The following SLFN5 variants were observed in gnomAD, a reference collection of about 807,000 sequenced individuals.
SLFN5 encodes schlafen family member 5.
SLFN5 carries 34 observed loss-of-function variants against 48.5 expected under a neutral mutation model. The observed-to-expected ratio is 0.70, with a 90% CI of 0.53 to 0.93. The LOEUF is 0.93. Ranked by LOEUF, SLFN5 falls within the 40% of genes least tolerant of loss-of-function variation. SLFN5 has a pLI of 0.00. For missense variants in SLFN5, 1,006 were observed against 1,071.3 expected, an observed-to-expected ratio of 0.94 and a Z score of 0.85; for synonymous variants, 387 against 396.2, an observed-to-expected ratio of 0.98 and a Z score of 0.28.
chr17:35,248,723 GCTGA>G lies in SLFN5; in HGVS notation c.-41+5581_-41+5584del, dbSNP rs368981915. ...TGTAGAATTTAAACCTTGGATCCAA[GCTGA>G]ATTAAGAGTTATACTTAAAGGTTTC... On this transcript the variant is annotated intron_variant, in intron 1 of 4. Coordinates refer to ENST00000299977, the MANE Select transcript of SLFN5 (RefSeq NM_144975.4). Among the ~76,000 whole-genome samples the G allele has an allele frequency of 3.2e-3, 486 of 152,040 alleles. 1 individual carries two copies. The highest frequency in any genetic ancestry group is 0.011 in the African/African-American group (460 of 41,442).
chr17:35,245,510 G>T (rs1471787390), intron 1 of SLFN5, among the ~76,000 whole-genome samples: 4 of 152,172 alleles, frequency 2.6e-5, no homozygotes, highest in Non-Finnish European at 4.4e-5. Context: ...ACCAGATAAG[G>T]GAGGACTACT....
rs1401107570 is a variant in SLFN5 at position 35,270,486 on chromosome 17, C to T, written c.*4598C>T. On this transcript the variant is annotated 3_prime_UTR_variant, in exon 5 of 5. Coordinates refer to ENST00000299977, the MANE Select transcript of SLFN5 (RefSeq NM_144975.4). The stretch of plus-strand genomic sequence containing the variant: ...AAAATCTAGGTAAACCACGGTAATA[C>T]ACTGAGGCTGGCACCACCACAGGCC... The T allele has an allele frequency of 1.3e-5, 2 of 152,228 alleles. No homozygotes were observed. Among genetic ancestry groups the T allele is most frequent in the Non-Finnish European group, 2.9e-5 (2 of 68,052 alleles). 9.4% of individuals were successfully genotyped at this position (152,228 alleles called of 1,614,324 possible).
At chr17:35,249,058 C>T (rs565568552) in intron 1 of SLFN5, among the ~76,000 whole-genome samples, 1 of 152,250 alleles carries the variant, frequency 6.6e-6, no homozygotes, top group East Asian at 1.9e-4. Context: ...AAAAATAAAA[C>T]TGTTGGACTT....
At chr17:35,260,599 G>T (rs9912622) in intron 2 of SLFN5, among the ~76,000 whole-genome samples, 3 of 151,936 alleles carry the variant, frequency 2.0e-5, no homozygotes, top group African/African-American at 7.3e-5. Context: ...GGTGACGCAC[G>T]CCTGTAATCC....
intron 1 of SLFN5, among the ~76,000 whole-genome samples, chr17:35,252,184 C>T (rs1183547106): frequency 1.3e-5 from 2 of 152,128 alleles, no homozygotes; most frequent in Non-Finnish European, 2.9e-5. Context: ...AATCCCAGCA[C>T]TTTAAGAGGC....
chr17:35,258,346 T>G (rs1904401589), intron 1 of SLFN5, among the ~76,000 whole-genome samples: 1 of 151,964 alleles, frequency 6.6e-6, no homozygotes, highest in Non-Finnish European at 1.5e-5. Flanking sequence ...AAGATAGAAA[T>G]GAAAGCCAAG....
At position 35,259,487 on chromosome 17, in the gene SLFN5, A is replaced by G; in HGVS notation, c.797A>G (p.His266Arg). ...TGTATTAAGAAGCTACCTGTCCATC[A>G]TTTCTGCACACAGAGGCCTGAGATA... The part of the protein sequence containing the change: ...DGCIKKLPVH[H>R]FCTQRPEIKY... Residue 266 changes from histidine to arginine, a missense_variant, in exon 2 of 5, where the codon CAT becomes CGT. Coordinates refer to ENST00000299977, the MANE Select transcript of SLFN5 (RefSeq NM_144975.4). 6.2e-7 allele frequency: 1 copy of G among 1,614,262 alleles called. No individual in the cohort carries two copies. The highest frequency in any genetic ancestry group is 8.5e-7 in the Non-Finnish European group (1 of 1,180,052).
At chr17:35,252,911 T>C (rs1347830721) in intron 1 of SLFN5, among the ~76,000 whole-genome samples, 3 of 152,066 alleles carry the variant, frequency 2.0e-5, no homozygotes, top group South Asian at 2.1e-4. Context: ...GGCACGTGTT[T>C]CTGTATTTCT....
intron 2 of SLFN5, 122 bp downstream of exon 2, chr17:35,259,824 G>T (rs12150168): frequency 0.11 from 124,702 of 1,145,134 alleles, 7,310 homozygotes; most frequent in Admixed American, 0.12. Flanking sequence ...TCTCTGATTT[G>T]CAATTGTCTG....
rs541073280 is a variant in SLFN5, at chr17:35,246,510, T to C, written c.-41+3367T>C. Among the ~76,000 whole-genome samples the C allele has an allele frequency of 4.6e-5, 7 of 152,270 alleles. No homozygotes were observed. In the South Asian group the frequency reaches 6.2e-4, roughly 14 times the overall value. The stretch of plus-strand genomic sequence containing the variant: ...TTATATTTTCATTCTCTTAATAGTG[T>C]CTTTCAGAAGGAGAAGTTCTTAAAG... On this transcript the variant is annotated intron_variant, in intron 1 of 4. Coordinates refer to ENST00000299977, the MANE Select transcript of SLFN5 (RefSeq NM_144975.4).
At chr17:35,249,238 C>T (rs34670000) in intron 1 of SLFN5, among the ~76,000 whole-genome samples, 78,148 of 151,904 alleles carry the variant, frequency 0.51, 20,981 homozygotes, top group Middle Eastern at 0.6. Flanking sequence ...TAACACCAAG[C>T]AGAACATTTT....
In SLFN5 at chr17:35,265,342, A is replaced by AGTG; in HGVS notation, c.2133_2135dup (p.Val712dup). On this transcript the variant is annotated inframe_insertion, in exon 5 of 5. Transcript: ENST00000299977. ...AGTATCCAAGAGAAGAGATCAACAG[A>AGTG]GTGGTCCGCAATGCAGGTCCAATAG... is the stretch of plus-strand genomic sequence containing the variant. 1.2e-6 allele frequency: 2 copies of AGTG among 1,614,166 alleles called. No homozygotes were observed. Among genetic ancestry groups the AGTG allele is most frequent in the Non-Finnish European group, 1.7e-6 (2 of 1,180,034 alleles).
In SLFN5 at chr17:35,272,573, A is replaced by G. The variant is rs1904858907; in HGVS notation, c.*6685A>G. ...AAACAAAATTATCTCTGTACCAAAA[A>G]CAGCATAAAAGGTCAAGAAACAACA... On this transcript the variant is annotated 3_prime_UTR_variant, in exon 5 of 5. Coordinates refer to ENST00000299977, the MANE Select transcript of SLFN5 (RefSeq NM_144975.4). 6.6e-6 allele frequency: 1 copy of G among 152,224 alleles called. No individual in the cohort carries two copies. Among genetic ancestry groups the G allele is most frequent in the Non-Finnish European group, 1.5e-5 (1 of 68,034 alleles). 9.4% of individuals were successfully genotyped at this position (152,224 alleles called of 1,614,324 possible).
rs1469261096 is a variant in SLFN5, at chr17:35,270,850, T to TG, written c.*4968dup. 1 of 152,116 alleles carries TG rather than the reference T, an allele frequency of 6.6e-6. No individual in the cohort carries two copies. Among genetic ancestry groups the TG allele is most frequent in the African/African-American group, 2.4e-5 (1 of 41,420 alleles). The allele number at this position is 152,116 out of a possible 1,614,324, so 9.4% of individuals were successfully genotyped here. A position where few individuals can be genotyped will look rare whatever the true frequency, so the allele number is the denominator to read the frequency against. ...TCTCCAGACATCGCCAAATGTCCCTTGGGGGGTAAAATCACCACCACCATA... is the reference window on the plus strand; with the variant it reads ...TCTCCAGACATCGCCAAATGTCCCTTGGGGGGGTAAAATCACCACCACCATA... On this transcript the variant is annotated 3_prime_UTR_variant, in exon 5 of 5. Transcript: ENST00000299977.
rs1168917534 is a variant in SLFN5 at position 35,258,718 on chromosome 17, A to G, written c.28A>G (p.Asn10Asp). 1.9e-6 allele frequency: 3 copies of G among 1,613,858 alleles called. No homozygotes were observed. Among genetic ancestry groups the G allele is most frequent in the African/African-American group, 2.7e-5 (2 of 74,902 alleles). Residue 10 changes from asparagine (N) to aspartate (D), a missense_variant, in exon 2 of 5, where the codon AAC (asparagine) becomes GAC (aspartate). Physicochemically the swap from Asn to Asp is conservative, Grantham distance 23. Coordinates refer to ENST00000299977, the MANE Select transcript of SLFN5 (RefSeq NM_144975.4). MSLRIDVDT[N>D]FPECVVDAGK... ...GAGTCTTAGGATTGATGTGGATACAAACTTTCCTGAGTGTGTTGTAGATGC... is the reference window on the plus strand; with the variant it reads ...GAGTCTTAGGATTGATGTGGATACAGACTTTCCTGAGTGTGTTGTAGATGC...
At position 35,261,007 on chromosome 17, in the gene SLFN5, G is replaced by A; in HGVS notation, c.1049G>A (p.Ser350Asn). The A allele has an allele frequency of 6.2e-7, 1 of 1,613,976 alleles. No homozygotes were observed. Residue 350 changes from serine (S) to asparagine (N), a missense_variant, in exon 3 of 5, where the codon AGT becomes AAT. Coordinates refer to ENST00000299977, the MANE Select transcript of SLFN5 (RefSeq NM_144975.4). ...TGTCCTGAGATGGTTCTCCAGTTGA[G>A]TTTGTCATCTGCCACGCCCCGCAGC... ...SRCPEMVLQL[S>N]LSSATPRSKP... is the part of the protein sequence containing the mutation.
chr17:35,264,429 G>C lies in SLFN5; in HGVS notation c.1385G>C (p.Gly462Ala). The C allele has an allele frequency of 6.2e-7, 1 of 1,614,140 alleles. No individual in the cohort carries two copies. The highest frequency in any genetic ancestry group is 2.2e-5 in the East Asian group (1 of 44,890). Residue 462 changes from glycine to alanine, a missense_variant, in exon 4 of 5, where the codon GGG becomes GCG. Gly to Ala is a moderately conservative substitution (Grantham distance 60). Transcript: ENST00000299977. ...ACCATCTTCAGCAAGTGGGATGCGG[G>C]GTGCAAGGGCTATTCTATGATAGTT... ...LYTIFSKWDA[G>A]CKGYSMIVAY...
rs377372417 is a variant in SLFN5, at chr17:35,259,364, G to A, written c.674G>A (p.Gly225Glu). Residue 225 changes from glycine (G) to glutamate (E), a missense_variant, in exon 2 of 5, where the codon GGA (glycine) becomes GAA (glutamate). By Grantham distance (98) the Gly-to-Glu change is moderately conservative (BLOSUM62 -2). Transcript: ENST00000299977. ...TCTGCATTTGCAAATACTGAAGGAG[G>A]ATATGTATTTTTTGGTGTGCATGAT... The part of the protein sequence containing the change: ...CVSAFANTEG[G>E]YVFFGVHDET... 3.7e-6 allele frequency: 6 copies of A among 1,614,054 alleles called. No homozygotes were observed. The African/African-American group carries it at 6.7e-5, about 18-fold the overall frequency.
rs1387481989 is a variant in SLFN5, at chr17:35,264,869, A to C, written c.1825A>C (p.Ile609Leu). The change falls in exon 4 of 5, where the codon ATC becomes CTC. Residue 609 changes from isoleucine to leucine, a missense_variant. Physicochemically the swap from Ile to Leu is conservative, Grantham distance 5. Coordinates refer to ENST00000299977, the MANE Select transcript of SLFN5 (RefSeq NM_144975.4). ...FHCEPANILYICENQPLKKLV... is the reference protein window; with the variant it reads ...FHCEPANILYLCENQPLKKLV... ...CTGTGAACCGGCTAACATTCTCTACATCTGTGAAAACCAGCCCCTGAAGAA... is the reference window on the plus strand; with the variant it reads ...CTGTGAACCGGCTAACATTCTCTACCTCTGTGAAAACCAGCCCCTGAAGAA... 6.3e-7 allele frequency: 1 copy of C among 1,577,316 alleles called. No individual in the cohort carries two copies. Among genetic ancestry groups the C allele is most frequent in the South Asian group, 1.2e-5 (1 of 83,156 alleles).
Sources: allele counts gnomAD v4.1 joint callset (sites outside exome capture counted in the v4.1 genomes callset), GRCh38; gene constraint gnomAD v4.1.1; transcripts MANE v1.5; gene names NCBI Gene and HGNC (gene_info 2026-07-23, HGNC 2026-07-21).